TSPAN5: variants seen among roughly 807,000 people sequenced by gnomAD.
TSPAN5 encodes the protein tetraspanin-5.
TSPAN5 carries 10 observed loss-of-function variants against 37.1 expected under a neutral mutation model. The ratio of observed to expected loss-of-function variants is 0.27; its 90% CI spans 0.17 to 0.46. The LOEUF is 0.46. Ranked by LOEUF, TSPAN5 falls within the 20% of genes least tolerant of loss-of-function variation. The pLI is 1.00. For synonymous variants in TSPAN5, 110 were observed against 118.9 expected (o/e 0.93, Z 0.48); for missense variants, 195 against 326.6 (o/e 0.60, Z 3.11).
intron 2 of TSPAN5, among the ~76,000 whole-genome samples, chr4:98,487,433 T>C (rs1468932940): frequency 6.6e-6 from 1 of 152,172 alleles, no homozygotes; most frequent in East Asian, 1.9e-4. Context: ...GGTCATCTTC[T>C]GTAAGACCCA....
chr4:98,524,737 A>G (rs1164179220), intron 1 of TSPAN5, among the ~76,000 whole-genome samples: 1 of 151,960 alleles, frequency 6.6e-6, no homozygotes, highest in East Asian at 1.9e-4. Flanking sequence ...TGAATTAACA[A>G]AACTCATTTC....
intron 7 of TSPAN5, among the ~76,000 whole-genome samples, chr4:98,475,342 A>G (rs1413014685): frequency 6.6e-6 from 1 of 152,202 alleles, no homozygotes; most frequent in Non-Finnish European, 1.5e-5. Flanking sequence ...ATTTGTTTCA[A>G]CTATGTGCTC....
intron 1 of TSPAN5, among the ~76,000 whole-genome samples, chr4:98,535,120 A>C (rs1005016025): frequency 6.6e-5 from 10 of 152,170 alleles, no homozygotes; most frequent in African/African-American, 2.4e-4. Flanking sequence ...CAGTTTCTTT[A>C]TAACATCAAT....
intron 2 of TSPAN5, among the ~76,000 whole-genome samples, chr4:98,488,726 C>A (rs910413923): frequency 6.6e-6 from 1 of 152,074 alleles, no homozygotes; most frequent in Non-Finnish European, 1.5e-5. Context: ...ACAAATGATG[C>A]TGAGAAAAAA....
At chr4:98,616,174 T>C (rs772636096) in intron 1 of TSPAN5, among the ~76,000 whole-genome samples, 3 of 151,958 alleles carry the variant, frequency 2.0e-5, no homozygotes, top group Non-Finnish European at 4.4e-5. Flanking sequence ...TCCCTTGCAT[T>C]CCCCAGAATC....
chr4:98,647,126 G>A (rs1757086468), intron 1 of TSPAN5, among the ~76,000 whole-genome samples: 1 of 152,128 alleles, frequency 6.6e-6, no homozygotes, highest in African/African-American at 2.4e-5. Context: ...GTACCAGAAT[G>A]CCCAAGTTAG....
At chr4:98,616,223 G>A (rs367642059) in intron 1 of TSPAN5, among the ~76,000 whole-genome samples, 2 of 152,034 alleles carry the variant, frequency 1.3e-5, no homozygotes, top group African/African-American at 2.4e-5. Context: ...CTTCCCTCTT[G>A]GAGATTAAAA....
chr4:98,621,232 G>A (rs1051425703), intron 1 of TSPAN5, among the ~76,000 whole-genome samples: 8 of 152,114 alleles, frequency 5.3e-5, no homozygotes, highest in Admixed American at 4.6e-4. Flanking sequence ...ACAACCATCA[G>A]TAGAAACCAA....
chr4:98,470,492 G>A lies in TSPAN5; in HGVS notation c.*2030C>T, dbSNP rs1752557315. Reference sequence around the variant, plus strand: ...TGCTGTTTGGCCTTTCAGTGGATGTGCCAAAGGGCAGGGATCTTGCCTGAT... The same window carrying A: ...TGCTGTTTGGCCTTTCAGTGGATGTACCAAAGGGCAGGGATCTTGCCTGAT... On this transcript the variant is annotated 3_prime_UTR_variant, in exon 8 of 8. Coordinates refer to ENST00000305798, the MANE Select transcript of TSPAN5 (RefSeq NM_005723.4). 1 of 152,246 alleles carries A rather than the reference G, an allele frequency of 6.6e-6. No individual in the cohort carries two copies. The allele number at this position is 152,246 out of a possible 1,614,324, so 9.4% of individuals were successfully genotyped here. A position where few individuals can be genotyped will look rare whatever the true frequency, so the allele number is the denominator to read the frequency against.
chr4:98,525,649 T>C (rs1234246946), intron 1 of TSPAN5, among the ~76,000 whole-genome samples: 1 of 151,808 alleles, frequency 6.6e-6, no homozygotes, highest in Non-Finnish European at 1.5e-5. Context: ...AGATCTCGGC[T>C]CACTGCAACC....
chr4:98,529,178 T>G (rs1754025853), intron 1 of TSPAN5, among the ~76,000 whole-genome samples: 2 of 152,220 alleles, frequency 1.3e-5, no homozygotes, highest in Non-Finnish European at 2.9e-5. Context: ...TGCCCTTACA[T>G]CCAAGCATTC....
intron 1 of TSPAN5, among the ~76,000 whole-genome samples, chr4:98,556,317 C>T (rs79917530): frequency 2.6e-5 from 4 of 152,312 alleles, no homozygotes; most frequent in African/African-American, 7.2e-5. Flanking sequence ...CATTCACCCA[C>T]GTGGTGGGTT....
rs1215237761 is a variant in TSPAN5, at chr4:98,549,315, T to TG, written c.82-41588_82-41587insC. Among the ~76,000 whole-genome samples, 592 of 150,068 alleles carry TG rather than the reference T, an allele frequency of 3.9e-3. 1 individual carries two copies. Among genetic ancestry groups the TG allele is most frequent in the African/African-American group, 0.011 (452 of 39,966 alleles). On this transcript the variant is annotated intron_variant, in intron 1 of 7. Transcript: ENST00000305798. ...TTGTTTGTTTTTGTTTTTTTTTGTT[T>TG]TTTTTGAGGCAGAGTCTCACTCTGT...
chr4:98,558,282 G>A (rs998168545), intron 1 of TSPAN5, among the ~76,000 whole-genome samples: 2 of 152,144 alleles, frequency 1.3e-5, no homozygotes, highest in African/African-American at 4.8e-5. Flanking sequence ...AACATAAGGT[G>A]TTAGTAACAG....
chr4:98,570,686 CAG>C (rs1755098693), intron 1 of TSPAN5, among the ~76,000 whole-genome samples: 1 of 152,092 alleles, frequency 6.6e-6, no homozygotes, highest in Non-Finnish European at 1.5e-5. Context: ...GGAACAGAAA[CAG>C]AGAGAGATGG....
In TSPAN5 at chr4:98,516,910, G is replaced by A. The variant is rs577147728; in HGVS notation, c.82-9182C>T. Among the ~76,000 whole-genome samples, 6 of 152,262 alleles carry A rather than the reference G, an allele frequency of 3.9e-5. No individual in the cohort carries two copies. In the South Asian group the frequency reaches 1.2e-3, roughly 32 times the overall value. On this transcript the variant is annotated intron_variant, in intron 1 of 7. Transcript: ENST00000305798. ...GTGCATCTCACCATGTTATGATGCA[G>A]CATGGAAGCCCTTGCCAGAAACCAG...
At chr4:98,658,069 G>T in intron 1 of TSPAN5, 77 bp downstream of exon 1, 2 of 1,327,234 alleles carry the variant, frequency 1.5e-6, no homozygotes, top group Non-Finnish European at 2.2e-6. Context: ...AAAAGTAAAG[G>T]CAACGAACAA....
intron 1 of TSPAN5, among the ~76,000 whole-genome samples, chr4:98,547,700 C>CT (rs1754499685): frequency 6.6e-6 from 1 of 151,994 alleles, no homozygotes; most frequent in South Asian, 2.1e-4. Flanking sequence ...GCTACACATC[C>CT]TTACTCAGGA....
intron 1 of TSPAN5, among the ~76,000 whole-genome samples, chr4:98,630,723 T>C (rs569951502): frequency 6.6e-6 from 1 of 152,208 alleles, no homozygotes; most frequent in Non-Finnish European, 1.5e-5. Context: ...AAAAGTTCTC[T>C]GAGAAAGTAT....
Sources: allele counts gnomAD v4.1 joint callset (sites outside exome capture counted in the v4.1 genomes callset), GRCh38; gene constraint gnomAD v4.1.1; transcripts MANE v1.5; gene names NCBI Gene and HGNC (gene_info 2026-07-23, HGNC 2026-07-21).